The following NREP variants were observed in gnomAD, a reference collection of about 807,000 sequenced individuals.
The protein encoded by NREP is neuronal regeneration-related protein.
NREP carries 5 observed loss-of-function variants against 8.6 expected under a neutral mutation model. The ratio of observed to expected loss-of-function variants is 0.58; its 90% confidence interval spans 0.30 to 1.22. NREP has a LOEUF of 1.22. Among genes scored for constraint, NREP ranks in the 50% most tolerant of loss-of-function variants. The pLI is 0.07. For missense variants in NREP, 86 were observed against 82.5 expected (o/e 1.04, Z -0.17); for synonymous variants, 27 against 28.0 (o/e 0.96, Z 0.11).
intron 2 of NREP, among the ~76,000 whole-genome samples, chr5:111,820,289 CAGTT>C (rs1264737463): frequency 6.6e-6 from 1 of 152,240 alleles, no homozygotes; most frequent in Admixed American, 6.5e-5. Flanking sequence ...TGCTTAATCT[CAGTT>C]AGGGATGTGC....
chr5:111,783,355 A>T (rs7733119), intron 2 of NREP, among the ~76,000 whole-genome samples: 1 of 152,164 alleles, frequency 6.6e-6, no homozygotes, highest in African/African-American at 2.4e-5. Flanking sequence ...AAGATTACCT[A>T]GTATATTCTA....
rs567864995 is a variant in NREP at position 111,913,120 on chromosome 5, G to A, written c.135+62154C>T. Reference sequence around the variant, plus strand: ...ACAGCACAACAAAAGTTGAAGGTAAGTGTTAGTATCCATTTTTTACAGTAA... The same window carrying A: ...ACAGCACAACAAAAGTTGAAGGTAAATGTTAGTATCCATTTTTTACAGTAA... On this transcript the variant is annotated intron_variant, in intron 2 of 3. Coordinates refer to the NREP transcript ENST00000395634. Among the ~76,000 whole-genome samples, 15 of 152,122 alleles carry A rather than the reference G, an allele frequency of 9.9e-5. No homozygotes were observed. In the South Asian group the frequency reaches 2.5e-3, roughly 25 times the overall value.
intron 2 of NREP, among the ~76,000 whole-genome samples, chr5:111,897,016 G>A (rs1215953783): frequency 2.6e-5 from 4 of 152,042 alleles, no homozygotes; most frequent in East Asian, 1.9e-4. Context: ...TTATACTATT[G>A]GTTTTGGAGA....
intron 2 of NREP, chr5:111,739,096 T>TAAAC (rs1749419990): frequency 6.6e-6 from 1 of 152,184 alleles, no homozygotes; most frequent in African/African-American, 2.4e-5. Flanking sequence ...CCTCGCAAAC[T>TAAAC]AAACACAGTG....
intron 2 of NREP, among the ~76,000 whole-genome samples, chr5:111,796,223 G>T (rs1297498009): frequency 6.6e-6 from 1 of 152,000 alleles, no homozygotes; most frequent in African/African-American, 2.4e-5. Flanking sequence ...CTTTCCTTTT[G>T]TCTCTTGCCT....
At chr5:111,762,525 G>T (rs1258617336), upstream of NREP, among the ~76,000 whole-genome samples, 1 of 151,808 alleles carries the variant, frequency 6.6e-6, no homozygotes, top group Non-Finnish European at 1.5e-5. Flanking sequence ...TGTATTTGGA[G>T]ATAGGGTCTT....
intron 2 of NREP, chr5:111,846,387 C>T (rs903084694): frequency 1.5e-5 from 2 of 134,262 alleles, no homozygotes; most frequent in Admixed American, 7.5e-5. Flanking sequence ...CTTGGTTAGT[C>T]ACTTCCCTTT....
At chr5:111,912,009 A>G (rs1397559202) in intron 2 of NREP, among the ~76,000 whole-genome samples, 1 of 152,142 alleles carries the variant, frequency 6.6e-6, no homozygotes, top group Non-Finnish European at 1.5e-5. Flanking sequence ...TAAGTGCCAA[A>G]GACAAAATAT....
At chr5:111,970,224 C>A (rs1756771579) in intron 2 of NREP, among the ~76,000 whole-genome samples, 1 of 150,834 alleles carries the variant, frequency 6.6e-6, no homozygotes, top group Admixed American at 6.6e-5. Flanking sequence ...ATTTGTGGTT[C>A]TAATTTTTTT....
intron 2 of NREP, among the ~76,000 whole-genome samples, chr5:111,952,759 T>C (rs1756196507): frequency 6.6e-6 from 1 of 152,124 alleles, no homozygotes; most frequent in Admixed American, 6.6e-5. Flanking sequence ...TCAATGTCAA[T>C]CTCTTGATTG....
chr5:111,824,364 G>A (rs556561150), intron 2 of NREP, among the ~76,000 whole-genome samples: 4 of 152,160 alleles, frequency 2.6e-5, no homozygotes, highest in Non-Finnish European at 4.4e-5. Flanking sequence ...GCGAGACTCC[G>A]TCTCAAAAAA....
At chr5:111,797,294 G>C (rs1385144239) in intron 2 of NREP, among the ~76,000 whole-genome samples, 1 of 152,084 alleles carries the variant, frequency 6.6e-6, no homozygotes, top group Non-Finnish European at 1.5e-5. Flanking sequence ...CTTATAGTGT[G>C]GCATTTTATT....
At chr5:111,874,104 C>T (rs1373740445) in intron 2 of NREP, among the ~76,000 whole-genome samples, 1 of 152,000 alleles carries the variant, frequency 6.6e-6, no homozygotes, top group Non-Finnish European at 1.5e-5. Flanking sequence ...TCCACTTGCC[C>T]CAGAGCTAGT....
chr5:111,959,525 C>T (rs183732362), intron 2 of NREP, among the ~76,000 whole-genome samples: 322 of 151,770 alleles, frequency 2.1e-3, no homozygotes, highest in African/African-American at 7.2e-3. Flanking sequence ...CATTGAAGAG[C>T]GTTTAGATTA....
At chr5:111,930,666 A>G (rs1044392884) in intron 2 of NREP, among the ~76,000 whole-genome samples, 1 of 152,102 alleles carries the variant, frequency 6.6e-6, no homozygotes, top group Admixed American at 6.5e-5. Flanking sequence ...CCCAGTAGCT[A>G]TTTCCCTCTC....
intron 2 of NREP, among the ~76,000 whole-genome samples, chr5:111,846,910 T>G (rs55964607): frequency 0.023 from 3,501 of 152,280 alleles, 50 homozygotes; most frequent in Non-Finnish European, 0.027. Context: ...CATGTCCATT[T>G]TTCATTCATT....
intron 2 of NREP, among the ~76,000 whole-genome samples, chr5:111,861,064 T>C (rs1380360932): frequency 2.0e-5 from 3 of 152,016 alleles, no homozygotes; most frequent in East Asian, 3.9e-4. Context: ...AAGAAATAGA[T>C]GGGAAAGAAA....
chr5:111,903,125 C>A (rs1287314801), intron 2 of NREP, among the ~76,000 whole-genome samples: 2 of 146,846 alleles, frequency 1.4e-5, no homozygotes, highest in African/African-American at 5.1e-5. Flanking sequence ...ACTCTGTAAC[C>A]CAGGCTGGTG....
intron 2 of NREP, among the ~76,000 whole-genome samples, chr5:111,806,528 C>T (rs1382660528): frequency 2.6e-5 from 4 of 152,120 alleles, no homozygotes; most frequent in Admixed American, 6.6e-5. Context: ...TGATTTCTCA[C>T]CAGTATTTTG....
Sources: gnomAD v4.1 joint callset for allele counts (sites outside exome capture counted in the v4.1 genomes callset) on GRCh38, gnomAD v4.1.1 for gene constraint, MANE v1.5 for transcripts, NCBI Gene and HGNC (gene_info 2026-07-23, HGNC 2026-07-21) for gene names.